XPR1: variants seen among roughly 807,000 people sequenced by gnomAD.
The protein encoded by XPR1 is xenotropic and polytropic retrovirus receptor 1.
A neutral mutation model predicts 87.5 loss-of-function variants in XPR1; 28 were observed. The ratio of observed to expected loss-of-function variants is 0.32; its 90% CI spans 0.24 to 0.44. The LOEUF is 0.44. Among genes scored for constraint, XPR1 ranks in the 20% least tolerant of loss-of-function variants. The pLI is 1.00. For synonymous variants in XPR1, 300 were observed against 306.1 expected, an observed-to-expected ratio of 0.98 and a Z score of 0.21; for missense variants, 559 against 862.3, an observed-to-expected ratio of 0.65 and a Z score of 4.41.
At chr1:180,843,744 G>T (rs572784630) in intron 11 of XPR1, among the ~76,000 whole-genome samples, 2 of 149,542 alleles carry the variant, frequency 1.3e-5, no homozygotes, top group Admixed American at 1.3e-4. Flanking sequence ...TACCATTTTG[G>T]TAGTCTTATC....
At chr1:180,651,375 A>T (rs1655288061) in intron 1 of XPR1, among the ~76,000 whole-genome samples, 1 of 152,180 alleles carries the variant, frequency 6.6e-6, no homozygotes. Context: ...TACAGGTGTG[A>T]GCCACGCACC....
At chr1:180,762,232 T>A (rs1470003930) in intron 2 of XPR1, among the ~76,000 whole-genome samples, 1 of 151,784 alleles carries the variant, frequency 6.6e-6, no homozygotes, top group African/African-American at 2.4e-5. Flanking sequence ...GTAACAAACC[T>A]GCACATTGGG....
chr1:180,815,613 G>A (rs532973567), intron 7 of XPR1, among the ~76,000 whole-genome samples: 5 of 152,206 alleles, frequency 3.3e-5, no homozygotes, highest in Non-Finnish European at 5.9e-5. Flanking sequence ...TGAAAATCAC[G>A]TGTTTCAGAT....
intron 2 of XPR1, among the ~76,000 whole-genome samples, chr1:180,755,679 A>G (rs1053940354): frequency 6.6e-6 from 1 of 152,200 alleles, no homozygotes; most frequent in African/African-American, 2.4e-5. Flanking sequence ...GTATTTATGT[A>G]TTTCTTAACC....
At chr1:180,713,318 TAAAG>T (rs1657872059) in intron 2 of XPR1, among the ~76,000 whole-genome samples, 1 of 152,178 alleles carries the variant, frequency 6.6e-6, no homozygotes, top group Non-Finnish European at 1.5e-5. Context: ...ACTATATATA[TAAAG>T]ATTTTTATAT....
chr1:180,677,765 CACTATAA>C (rs1656414911), intron 1 of XPR1, among the ~76,000 whole-genome samples: 1 of 152,220 alleles, frequency 6.6e-6, no homozygotes, highest in Middle Eastern at 3.4e-3. Flanking sequence ...TTCAAAGTTG[CACTATAA>C]ACTACGTTCC....
intron 2 of XPR1, among the ~76,000 whole-genome samples, chr1:180,695,522 A>C (rs1170802315): frequency 6.6e-6 from 1 of 152,066 alleles, no homozygotes; most frequent in Non-Finnish European, 1.5e-5. Context: ...CAATGTTCTG[A>C]AACATATCCC....
chr1:180,855,654 CTG>C (rs1558040333), intron 11 of XPR1, among the ~76,000 whole-genome samples: 1 of 141,780 alleles, frequency 7.1e-6, no homozygotes, highest in Non-Finnish European at 1.5e-5. Context: ...CAGAGTGAGA[CTG>C]TGTCTCAAAA....
At chr1:180,706,231 G>C (rs944022880) in intron 2 of XPR1, among the ~76,000 whole-genome samples, 1 of 152,152 alleles carries the variant, frequency 6.6e-6, no homozygotes, top group Non-Finnish European at 1.5e-5. Context: ...GACCTTCGTG[G>C]GTTCCTTGTT....
At chr1:180,865,755 T>C (rs771930958) in intron 12 of XPR1, among the ~76,000 whole-genome samples, 3 of 151,020 alleles carry the variant, frequency 2.0e-5, no homozygotes, top group Non-Finnish European at 4.5e-5. Flanking sequence ...AGTTCTAACA[T>C]AGTGATTTCT....
At chr1:180,683,753 A>C (rs1172215655) in intron 2 of XPR1, among the ~76,000 whole-genome samples, 8 of 151,936 alleles carry the variant, frequency 5.3e-5, no homozygotes, top group Admixed American at 4.6e-4. Context: ...TTTTGGCTGC[A>C]TAAATGTCTT....
In XPR1 at chr1:180,684,499, A is replaced by G. The variant is rs1656695634; in HGVS notation, c.121+2088A>G. Among the ~76,000 whole-genome samples the G allele has an allele frequency of 2.0e-5, 3 of 151,378 alleles. No individual in the cohort carries two copies. In the South Asian group the frequency reaches 6.3e-4, roughly 32 times the overall value. On this transcript the variant is annotated intron_variant, in intron 2 of 14. Transcript: ENST00000367590. ...CTTTTTTGGTTCCATATGAACTTTA[A>G]AGTAGTTTTTTCCAATTCTGTGAAG...
intron 2 of XPR1, among the ~76,000 whole-genome samples, chr1:180,699,394 G>A (rs1417015488): frequency 1.8e-5 from 2 of 111,684 alleles, no homozygotes; most frequent in Non-Finnish European, 3.6e-5. Flanking sequence ...TCCCCAGAGT[G>A]TGATATTCCC....
chr1:180,693,958 G>T (rs999747988), intron 2 of XPR1, among the ~76,000 whole-genome samples: 1 of 152,044 alleles, frequency 6.6e-6, no homozygotes, highest in Non-Finnish European at 1.5e-5. Context: ...AAAAATTTTT[G>T]TTGTTGTTGT....
At chr1:180,760,551 T>G (rs544456343) in intron 2 of XPR1, among the ~76,000 whole-genome samples, 2 of 152,190 alleles carry the variant, frequency 1.3e-5, no homozygotes, top group Non-Finnish European at 2.9e-5. Flanking sequence ...GGAATCCAAC[T>G]TACAAGGGAT....
rs1325922061 is a variant in XPR1, at chr1:180,659,377, T to TTCCG, written c.70-22979_70-22976dup. ...CGTCCTTCCGTCCTTCCGTCCGTCC[T>TTCCG]TCCGTCCTTCCTTCCTTCCTTCCTT... is the stretch of plus-strand genomic sequence containing the variant. On this transcript the variant is annotated intron_variant, in intron 1 of 14. Coordinates refer to ENST00000367590, the MANE Select transcript of XPR1 (RefSeq NM_004736.4). Among the ~76,000 whole-genome samples the TTCCG allele has an allele frequency of 2.5e-3, 230 of 92,180 alleles. 1 individual carries two copies. The highest frequency in any genetic ancestry group is 0.011 in the South Asian group (26 of 2,326). 60.5% of individuals were successfully genotyped at this position (92,180 alleles called of 152,430 possible).
chr1:180,800,961 T>C (rs922133230), intron 3 of XPR1, among the ~76,000 whole-genome samples: 4 of 152,172 alleles, frequency 2.6e-5, no homozygotes, highest in African/African-American at 9.7e-5. Context: ...ACCTGGAGTT[T>C]TTTTCTGTTA....
chr1:180,670,526 G>A (rs546544536), intron 1 of XPR1, among the ~76,000 whole-genome samples: 3 of 152,206 alleles, frequency 2.0e-5, no homozygotes, highest in South Asian at 4.1e-4. Flanking sequence ...TTTCAGTTGT[G>A]CAGATGTCAT....
intron 2 of XPR1, among the ~76,000 whole-genome samples, chr1:180,710,736 C>T (rs12082348): frequency 0.014 from 2,172 of 152,256 alleles, 37 homozygotes; most frequent in African/African-American, 0.049. Context: ...GATGGGGTGG[C>T]GGCTGGGCAG....
Sources: gnomAD v4.1 joint callset for allele counts (sites outside exome capture counted in the v4.1 genomes callset) on GRCh38, gnomAD v4.1.1 for gene constraint, MANE v1.5 for transcripts, NCBI Gene and HGNC (gene_info 2026-07-23, HGNC 2026-07-21) for gene names.